Variants in DMXL2 observed in about 807,000 individuals in gnomAD.
The protein encoded by DMXL2 is Dmx like 2, also known as dmX-like protein 2.
In DMXL2, 103 loss-of-function variants were observed where a neutral mutation model predicts 331.1. That is an observed-to-expected ratio of 0.31 (90% CI 0.27 to 0.37). The LOEUF is 0.37. Among genes scored for constraint, DMXL2 ranks in the 10% least tolerant of loss-of-function variants. DMXL2 has a pLI of 1.00. For synonymous variants in DMXL2, 1,281 were observed against 1,252.1 expected, an observed-to-expected ratio of 1.02 and a Z score of -0.49; for missense variants, 3,171 against 3,642.9, an observed-to-expected ratio of 0.87 and a Z score of 3.33.
At chr15:51,551,090 C>G (rs1206207447) in intron 6 of DMXL2, among the ~76,000 whole-genome samples, 1 of 150,716 alleles carries the variant, frequency 6.6e-6, no homozygotes, top group Non-Finnish European at 1.5e-5. Context: ...GCTTTATTAA[C>G]AGAAGCAGAA....
chr15:51,613,147 C>T (rs1247410485), intron 1 of DMXL2, among the ~76,000 whole-genome samples: 7 of 152,108 alleles, frequency 4.6e-5, no homozygotes, highest in Non-Finnish European at 7.3e-5. Flanking sequence ...GCAGTTAATG[C>T]AATCATCACA....
In DMXL2 at chr15:51,499,605, T is replaced by C; in HGVS notation, c.3619A>G (p.Ser1207Gly). The C allele has an allele frequency of 1.2e-6, 2 of 1,614,164 alleles. No homozygotes were observed. The highest frequency in any genetic ancestry group is 1.1e-5 in the South Asian group (1 of 91,084). Residue 1207 changes from serine (S) to glycine (G), a missense_variant, in exon 18 of 44, where the codon AGT (serine) becomes GGT (glycine). Transcript: ENST00000560891. ...LSGIVTEQTN[S>G]KDGVAVITLP... is the part of the protein sequence containing the mutation. ...GTGATGACAGCTACTCCATCCTTAC[T>C]GTTGGTTTGCTCAGTCACAATTCCT...
chr15:51,515,255 G>A (rs190529283), intron 14 of DMXL2, among the ~76,000 whole-genome samples: 9 of 152,188 alleles, frequency 5.9e-5, no homozygotes, highest in Non-Finnish European at 1.0e-4. Context: ...TCAAGGAAAG[G>A]CTAGATCCAA....
Position 51,481,516 on chromosome 15 carries a change from T to C in DMXL2, c.5590A>G (p.Thr1864Ala), listed in dbSNP as rs372005947. The C allele has an allele frequency of 2.2e-5, 35 of 1,613,562 alleles. No homozygotes were observed. In the African/African-American group the frequency reaches 4.4e-4, roughly 20 times the overall value. The change falls in exon 24 of 44, where the codon ACC becomes GCC. Residue 1864 changes from threonine to alanine, a missense_variant. Around this residue, in one of 7 missense-constraint regions of DMXL2, gnomAD observed 244 missense variants for 251.4 expected, o/e 0.97. Transcript: ENST00000560891. ...NLASPEGTLATLGLKTEKNFV... is the reference protein window; with the variant it reads ...NLASPEGTLAALGLKTEKNFV... ...TTCTTCTCAGTTTTGAGACCTAAGGTTGCCAAAGTTCCTTCAGGGGAGGCA... is the reference window on the plus strand; with the variant it reads ...TTCTTCTCAGTTTTGAGACCTAAGGCTGCCAAAGTTCCTTCAGGGGAGGCA...
Position 51,503,028 on chromosome 15 carries a change from C to A in DMXL2, c.2770G>T (p.Ala924Ser), listed in dbSNP as rs755681885. ...LKSVQACLAK[A>S]SEGASSESLL... ...CTCTCAGAGGAAGCCCCTTCTGAAG[C>A]TTTAGCTTTAAAAATAAATTATAAA... The change falls in exon 17 of 44, where the codon GCT (alanine) becomes TCT (serine). Residue 924 changes from alanine to serine, a missense_variant. Physicochemically the swap from Ala to Ser is moderately conservative, Grantham distance 99 (BLOSUM62 1). This residue lies in a region of DMXL2 where 1,674 missense variants were observed against 1,780.2 expected (regional missense o/e 0.94). Transcript: ENST00000560891. 2 of 1,596,394 alleles carry A rather than the reference C, an allele frequency of 1.3e-6. No homozygotes were observed. The highest frequency in any genetic ancestry group is 1.7e-5 in the Admixed American group (1 of 57,744).
chr15:51,458,544 G>A lies in DMXL2; in HGVS notation c.8160C>T (p.Tyr2720=). Residue 2720 remains tyrosine, a synonymous_variant, in exon 36 of 44, where the codon TAC becomes TAT. Transcript: ENST00000560891. ...DVTSLLACQS[Y]IWIGEEYDRE... is the part of the protein sequence containing the mutation. ...TGTCATATTCTTCTCCGATCCATAT[G>A]TATGACTGACAGGCCAGTAGAGAAG... 1 of 1,613,878 alleles carries A rather than the reference G, an allele frequency of 6.2e-7. No homozygotes were observed.
intron 19 of DMXL2, among the ~76,000 whole-genome samples, chr15:51,494,263 C>G (rs563216333): frequency 6.6e-6 from 1 of 152,128 alleles, no homozygotes; most frequent in Non-Finnish European, 1.5e-5. Context: ...TTTCAAAGAA[C>G]ATTCATAGGT....
intron 1 of DMXL2, among the ~76,000 whole-genome samples, chr15:51,618,042 A>C (rs2054394348): frequency 6.6e-6 from 1 of 152,216 alleles, no homozygotes; most frequent in Admixed American, 6.5e-5. Context: ...AAACAAGTCC[A>C]TTCTAAATTC....
rs748489260 is a variant in DMXL2, at chr15:51,517,093, G to A, written c.2511C>T (p.Asp837=). 33 of 1,613,632 alleles carry A rather than the reference G, an allele frequency of 2.0e-5. No individual in the cohort carries two copies. The highest frequency in any genetic ancestry group is 1.6e-4 in the South Asian group (15 of 91,070). The change falls in exon 14 of 44, where the codon GAC becomes GAT. Residue 837 remains aspartate, a synonymous_variant. Transcript: ENST00000560891. ...TARPGCIIEL[D]AITNQCGSNT... ...ATGTTTTTACTTGGTTGGTTATTGCGTCGAGTTCAATAATGCAGCCAGGTC... is the reference window on the plus strand; with the variant it reads ...ATGTTTTTACTTGGTTGGTTATTGCATCGAGTTCAATAATGCAGCCAGGTC...
chr15:51,554,233 T>C (rs556590228), intron 6 of DMXL2, among the ~76,000 whole-genome samples: 7 of 152,304 alleles, frequency 4.6e-5, no homozygotes, highest in Non-Finnish European at 8.8e-5. Flanking sequence ...GTTCACCTAT[T>C]ATGGATTTGT....
At chr15:51,460,396 A>G in intron 33 of DMXL2, 1 of 985,184 alleles carries the variant, frequency 1.0e-6, no homozygotes, top group Non-Finnish European at 1.2e-6. Context: ...GATGCATCCA[A>G]GAAAACTTCC....
intron 2 of DMXL2, among the ~76,000 whole-genome samples, chr15:51,569,266 G>A (rs913974867): frequency 2.2e-4 from 34 of 152,152 alleles, no homozygotes; most frequent in African/African-American, 7.0e-4. Context: ...AGGTGCATCC[G>A]CCATTGCTGA....
chr15:51,451,211 T>C (rs2039105557), intron 42 of DMXL2, among the ~76,000 whole-genome samples: 1 of 152,186 alleles, frequency 6.6e-6, no homozygotes, highest in South Asian at 2.1e-4. Flanking sequence ...GAGGATAGCT[T>C]GACCCTAGGA....
At chr15:51,554,453 A>G (rs1343244918) in intron 6 of DMXL2, among the ~76,000 whole-genome samples, 1 of 152,228 alleles carries the variant, frequency 6.6e-6, no homozygotes, top group African/African-American at 2.4e-5. Flanking sequence ...TTAAAAAGGA[A>G]AAAAAGACAT....
At chr15:51,587,785 G>A (rs978716565) in intron 1 of DMXL2, among the ~76,000 whole-genome samples, 3 of 152,158 alleles carry the variant, frequency 2.0e-5, no homozygotes, top group Non-Finnish European at 2.9e-5. Flanking sequence ...AGTCCCACCA[G>A]CAGTGTAAAA....
intron 27 of DMXL2, among the ~76,000 whole-genome samples, chr15:51,475,050 T>C (rs541554117): frequency 6.6e-6 from 1 of 152,338 alleles, no homozygotes; most frequent in Admixed American, 6.5e-5. Context: ...ATGGAGAAAC[T>C]TGGCAGAAAC....
At chr15:51,495,394 A>C (rs1318196787) in intron 18 of DMXL2, among the ~76,000 whole-genome samples, 1 of 152,198 alleles carries the variant, frequency 6.6e-6, no homozygotes, top group Non-Finnish European at 1.5e-5. Flanking sequence ...ATTTATATTG[A>C]CTCATAATAA....
intron 1 of DMXL2, among the ~76,000 whole-genome samples, chr15:51,581,873 A>C (rs1368026795): frequency 1.3e-5 from 2 of 152,172 alleles, no homozygotes; most frequent in Non-Finnish European, 2.9e-5. Context: ...TAAGTGTCTA[A>C]ACTTCAAAGA....
chr15:51,580,287 G>A (rs1005591490), intron 1 of DMXL2, among the ~76,000 whole-genome samples: 7 of 152,158 alleles, frequency 4.6e-5, no homozygotes, highest in African/African-American at 1.7e-4. Context: ...TGTTCGTTAA[G>A]ACTACAAGCA....
Sources: gnomAD v4.1 joint callset for allele counts (sites outside exome capture counted in the v4.1 genomes callset) on GRCh38, gnomAD v4.1.1 for gene constraint, gnomAD v4.1.1 regional missense constraint, MANE v1.5 for transcripts, NCBI Gene and HGNC (gene_info 2026-07-23, HGNC 2026-07-21) for gene names.